STAB2: variants seen among roughly 807,000 people sequenced by gnomAD.
The protein encoded by STAB2 is stabilin 2.
In STAB2, 288 loss-of-function variants were observed where a neutral mutation model predicts 338.1. The ratio of observed to expected loss-of-function variants is 0.85; its 90% CI spans 0.77 to 0.94. STAB2 has a LOEUF of 0.94. STAB2 is among the 40% of genes least tolerant of loss of function. The probability of loss-of-function intolerance (pLI) is 0.00; values close to 1 mark genes in which losing one functional copy is unlikely to be tolerated. For missense variants in STAB2, 3,141 were observed against 3,210.1 expected (o/e 0.98, Z 0.52); for synonymous variants, 1,202 against 1,193.3 (o/e 1.01, Z -0.15).
intron 42 of STAB2, among the ~76,000 whole-genome samples, chr12:103,715,534 G>A (rs142583087): frequency 8.7e-4 from 132 of 152,272 alleles, no homozygotes; most frequent in African/African-American, 3.1e-3. Context: ...ATGGTTTCAA[G>A]TACTTTGCTA....
chr12:103,713,277 T>A (rs917248362), intron 41 of STAB2, among the ~76,000 whole-genome samples: 2 of 152,162 alleles, frequency 1.3e-5, no homozygotes, highest in Admixed American at 6.5e-5. Flanking sequence ...CTTAAGGTCA[T>A]TTTTCTCTTG....
chr12:103,700,283 TAAAAC>T (rs552340861), intron 34 of STAB2, among the ~76,000 whole-genome samples: 291 of 152,308 alleles, frequency 1.9e-3, no homozygotes, highest in Non-Finnish European at 3.7e-3. Context: ...CAAGAAAAAT[TAAAAC>T]AAATTATTTA....
At chr12:103,673,306 A>C in intron 22 of STAB2, among the ~76,000 whole-genome samples, 1 of 151,402 alleles carries the variant, frequency 6.6e-6, no homozygotes, top group African/African-American at 2.4e-5. Context: ...CCCACACCCC[A>C]CACACATATA....
rs376396208 is a variant in STAB2, at chr12:103,688,099, C to T, written c.2998-69C>T. 5 of 1,480,414 alleles carry T rather than the reference C, an allele frequency of 3.4e-6. No individual in the cohort carries two copies. In the Admixed American group the frequency reaches 5.0e-5, roughly 15 times the overall value. The allele number at this position is 1,480,414 out of a possible 1,614,324, so 91.7% of individuals were successfully genotyped here. A position where few individuals can be genotyped will look rare whatever the true frequency, so the allele number is the denominator to read the frequency against. On this transcript the variant is annotated intron_variant, in intron 27 of 68. Coordinates refer to ENST00000388887, the MANE Select transcript of STAB2 (RefSeq NM_017564.10). ...GTGACCCAGAGATGCACTGTGATTG[C>T]ACTTCTCATTGTTCTTTCTCTGTGT...
chr12:103,692,863 A>T lies in STAB2; in HGVS notation c.3349A>T (p.Asn1117Tyr), dbSNP rs1878069960. The T allele has an allele frequency of 3.1e-6, 5 of 1,613,770 alleles. No homozygotes were observed. Among genetic ancestry groups the T allele is most frequent in the Non-Finnish European group, 4.2e-6 (5 of 1,179,702 alleles). Residue 1117 changes from asparagine (N) to tyrosine (Y), a missense_variant, in exon 31 of 69, where the codon AAT (asparagine) becomes TAT (tyrosine). Coordinates refer to ENST00000388887, the MANE Select transcript of STAB2 (RefSeq NM_017564.10). ...SIVDGDNAAT[N>Y]GVIHIINKVL... ...TGTCGATGGGGACAACGCAGCCACA[A>T]ATGGAGTGATACACATCATCAACAA... is the stretch of plus-strand genomic sequence containing the variant.
At chr12:103,649,307 C>A (rs1246782482) in intron 10 of STAB2, among the ~76,000 whole-genome samples, 1 of 152,080 alleles carries the variant, frequency 6.6e-6, no homozygotes, top group Non-Finnish European at 1.5e-5. Flanking sequence ...TCTTAGCACC[C>A]TTGGTCCCCC....
chr12:103,711,074 G>A (rs762517547), intron 39 of STAB2, among the ~76,000 whole-genome samples: 7 of 152,170 alleles, frequency 4.6e-5, no homozygotes, highest in South Asian at 4.2e-4. Context: ...TGAAAACCGG[G>A]AATAAAGTTA....
At position 103,622,023 on chromosome 12, in the gene STAB2, C is replaced by T. The variant is rs1271452800; in HGVS notation, c.418-19C>T. 1.2e-6 allele frequency: 2 copies of T among 1,614,030 alleles called. No individual in the cohort carries two copies. The highest frequency in any genetic ancestry group is 2.7e-5 in the African/African-American group (2 of 75,048). On this transcript the variant is annotated intron_variant, in intron 4 of 68. Coordinates refer to ENST00000388887, the MANE Select transcript of STAB2 (RefSeq NM_017564.10). ...GGGTCACCTTGGGTCTAATGTCAAC[C>T]ACCTGGGGTGTTTTGCAGGAAGGGT...
intron 9 of STAB2, 67 bp downstream of exon 9, chr12:103,640,323 A>G: frequency 6.4e-7 from 1 of 1,563,638 alleles, no homozygotes; most frequent in East Asian, 2.3e-5. Flanking sequence ...CATTGCTGTA[A>G]GTTTCTTGAA....
chr12:103,606,094 AGGATCCTCTTTTGTCTCCTTTG>A (rs1957023945), intron 3 of STAB2, among the ~76,000 whole-genome samples: 1 of 151,882 alleles, frequency 6.6e-6, no homozygotes, highest in Non-Finnish European at 1.5e-5. Flanking sequence ...ATTCTTTTTT[AGGATCCTCTTTTGTCTCCTTTG>A]TTGGCTTATT....
chr12:103,622,128 T>G lies in STAB2; in HGVS notation c.487+17T>G. The G allele has an allele frequency of 6.2e-7, 1 of 1,613,922 alleles. No homozygotes were observed. The highest frequency in any genetic ancestry group is 8.5e-7 in the Non-Finnish European group (1 of 1,179,796). ...GTTCATCAGGTATGTCTGATTTTTG[T>G]GTAATCACCACATTTGTAAGGGTTG... On this transcript the variant is annotated intron_variant, in intron 5 of 68. Coordinates refer to ENST00000388887, the MANE Select transcript of STAB2 (RefSeq NM_017564.10).
intron 3 of STAB2, among the ~76,000 whole-genome samples, chr12:103,597,963 AT>A (rs1341510405): frequency 6.6e-6 from 1 of 152,122 alleles, no homozygotes; most frequent in Non-Finnish European, 1.5e-5. Flanking sequence ...ATCTAAATTT[AT>A]TTTTTATATC....
At position 103,650,648 on chromosome 12, in the gene STAB2, A is replaced by T. The variant is rs1873671618; in HGVS notation, c.1257+70A>T. 3.1e-6 allele frequency: 4 copies of T among 1,280,690 alleles called. No individual in the cohort carries two copies. The East Asian group carries it at 9.5e-5, about 30-fold the overall frequency. The allele number at this position is 1,280,690 out of a possible 1,614,324, so 79.3% of individuals were successfully genotyped here. A position where few individuals can be genotyped will look rare whatever the true frequency, so the allele number is the denominator to read the frequency against. On this transcript the variant is annotated intron_variant, in intron 11 of 68. Transcript: ENST00000388887. ...GCCTTAGTAGGGAGTACCTTCTTTT[A>T]TTTAAAGTGGGAAATCCCCATTAAA...
intron 15 of STAB2, among the ~76,000 whole-genome samples, chr12:103,659,873 C>A (rs534726504): frequency 5.3e-5 from 8 of 152,310 alleles, no homozygotes; most frequent in South Asian, 2.1e-4. Context: ...GACAAACAGA[C>A]GTTTATTTAT....
chr12:103,737,600 C>G lies in STAB2; in HGVS notation c.5551-34C>G. 79 of 1,120,800 alleles carry G rather than the reference C, an allele frequency of 7.0e-5. 6 individuals are homozygous for G. The highest frequency in any genetic ancestry group is 5.2e-4 in the Middle Eastern group (2 of 3,854). The allele number at this position is 1,120,800 out of a possible 1,614,324, so 69.4% of individuals were successfully genotyped here. ...TCTCTCTCTCTCTCTCTCTCTCTCT[C>G]TTTCTCTTTTTTTTTTTTTTTTTTC... is the stretch of plus-strand genomic sequence containing the variant. On this transcript the variant is annotated intron_variant, in intron 52 of 68. Transcript: ENST00000388887.
Position 103,674,034 on chromosome 12 carries a change from C to A in STAB2, c.2499C>A (p.Tyr833Ter), listed in dbSNP as rs11614418. Residue 833 changes from tyrosine to a stop codon, truncating the protein, a stop_gained, in exon 23 of 69, where the codon TAC becomes TAA. Coordinates refer to ENST00000388887, the MANE Select transcript of STAB2 (RefSeq NM_017564.10). LOFTEE classifies it high-confidence loss of function. Reference protein sequence around the residue: ...CDKQTSACGPYVQFCHIHATC... With the variant: ...CDKQTSACGP ...AGCAGACCTCAGCCTGTGGGCCCTA[C>A]GTGCAGTTCTGTCACATCCACGCCA... 1 of 1,613,754 alleles carries A rather than the reference C, an allele frequency of 6.2e-7. No homozygotes were observed. Among genetic ancestry groups the A allele is most frequent in the South Asian group, 1.1e-5 (1 of 91,084 alleles).
At chr12:103,675,668 T>G (rs1196688524) in intron 23 of STAB2, among the ~76,000 whole-genome samples, 1 of 152,246 alleles carries the variant, frequency 6.6e-6, no homozygotes, top group South Asian at 2.1e-4. Flanking sequence ...ATTTTCCTCA[T>G]GAGAAATAAG....
intron 1 of STAB2, among the ~76,000 whole-genome samples, chr12:103,587,925 C>G (rs550253996): frequency 6.6e-6 from 1 of 152,278 alleles, no homozygotes; most frequent in South Asian, 2.1e-4. Context: ...GAGAGATGGT[C>G]TGGGGAATTC....
At chr12:103,692,406 A>C (rs912690189) in intron 30 of STAB2, among the ~76,000 whole-genome samples, 13 of 151,896 alleles carry the variant, frequency 8.6e-5, no homozygotes, top group Admixed American at 7.9e-4. Flanking sequence ...AGGGGGGGAC[A>C]CAGCTCAACC....
Sources: gnomAD v4.1 joint callset for allele counts (sites outside exome capture counted in the v4.1 genomes callset) on GRCh38, gnomAD v4.1.1 for gene constraint, MANE v1.5 for transcripts, NCBI Gene and HGNC (gene_info 2026-07-23, HGNC 2026-07-21) for gene names.